The following PTPRT variants were observed in gnomAD, a reference collection of about 807,000 sequenced individuals.
The protein encoded by PTPRT is protein tyrosine phosphatase receptor type T.
In PTPRT, 56 loss-of-function variants were observed where a neutral mutation model predicts 176.8. The observed-to-expected ratio is 0.32, with a 90% CI of 0.26 to 0.40. The LOEUF is 0.40. Ranked by LOEUF, PTPRT falls within the 10% of genes least tolerant of loss-of-function variation. The probability of loss-of-function intolerance (pLI) is 1.00; values close to 1 mark genes in which losing one functional copy is unlikely to be tolerated. For missense variants in PTPRT, 1,540 were observed against 1,908.2 expected, an observed-to-expected ratio of 0.81 and a Z score of 3.60; for synonymous variants, 783 against 739.0, an observed-to-expected ratio of 1.06 and a Z score of -0.96.
rs11473131 is a variant in PTPRT at position 42,350,100 on chromosome 20, A to ACC, written c.1865+526_1865+527dup. On this transcript the variant is annotated intron_variant, in intron 11 of 30. Transcript: ENST00000373187. ...ACTGGCAGTGACACAAAGAAAAGTGACCTTTCCAGGAGACTGTGTTCCAGG... is the reference window on the plus strand; with the variant it reads ...ACTGGCAGTGACACAAAGAAAAGTGACCCCTTTCCAGGAGACTGTGTTCCAGG... Among the ~76,000 whole-genome samples, 1,270 of 151,820 alleles carry ACC rather than the reference A, an allele frequency of 8.4e-3. 9 individuals carry two copies. The highest frequency in any genetic ancestry group is 0.041 in the East Asian group (209 of 5,148).
chr20:42,749,937 G>A (rs1051403076), intron 6 of PTPRT, among the ~76,000 whole-genome samples: 1 of 152,164 alleles, frequency 6.6e-6, no homozygotes, highest in African/African-American at 2.4e-5. Context: ...GGGACGCTGA[G>A]GAGCCCACTG....
At chr20:43,132,811 T>C (rs1414625601) in intron 1 of PTPRT, among the ~76,000 whole-genome samples, 2 of 152,120 alleles carry the variant, frequency 1.3e-5, no homozygotes, top group East Asian at 3.8e-4. Context: ...GAGAATACAA[T>C]AGATGATGTT....
rs1325948278 is a variant in PTPRT at position 43,043,039 on chromosome 20, T to A, written c.88+146607A>T. Among the ~76,000 whole-genome samples the A allele has an allele frequency of 2.0e-5, 3 of 152,162 alleles. No homozygotes were observed. In the East Asian group the frequency reaches 5.8e-4, roughly 29 times the overall value. ...TGGCCCATCTGAATCACAGAAAGGA[T>A]ACAGACAACCTGTAAGCACTGGATG... On this transcript the variant is annotated intron_variant, in intron 1 of 30. Coordinates refer to ENST00000373187, the MANE Select transcript of PTPRT (RefSeq NM_007050.6).
intron 1 of PTPRT, among the ~76,000 whole-genome samples, chr20:43,054,810 C>A (rs1987175119): frequency 6.6e-6 from 1 of 152,050 alleles, no homozygotes; most frequent in Admixed American, 6.6e-5. Context: ...GGGGGAGCAG[C>A]AAAGACAGCA....
intron 16 of PTPRT, among the ~76,000 whole-genome samples, chr20:42,179,800 AC>A (rs1990439593): frequency 1.3e-5 from 2 of 152,162 alleles, no homozygotes; most frequent in South Asian, 4.1e-4. Flanking sequence ...GGGTAGGTGT[AC>A]CGGAATCTGG....
At chr20:42,109,281 G>C (rs2040961526) in intron 23 of PTPRT, among the ~76,000 whole-genome samples, 1 of 152,192 alleles carries the variant, frequency 6.6e-6, no homozygotes, top group Non-Finnish European at 1.5e-5. Context: ...TCCAGGGTCT[G>C]AAAAGATGGG....
chr20:43,139,257 G>A (rs1037495361), intron 1 of PTPRT, among the ~76,000 whole-genome samples: 3 of 152,118 alleles, frequency 2.0e-5, no homozygotes, highest in South Asian at 2.1e-4. Context: ...CTCCCCACTC[G>A]ATTGTTGTTA....
intron 16 of PTPRT, among the ~76,000 whole-genome samples, chr20:42,175,482 C>A (rs576693696): frequency 6.6e-6 from 1 of 152,270 alleles, no homozygotes; most frequent in South Asian, 2.1e-4. Context: ...AATAAACAAA[C>A]CCATCTGTGG....
intron 2 of PTPRT, among the ~76,000 whole-genome samples, chr20:42,804,767 G>A (rs1473265560): frequency 2.0e-5 from 3 of 152,158 alleles, no homozygotes; most frequent in African/African-American, 7.2e-5. Flanking sequence ...CATTCCTTGG[G>A]TTGTAGATGT....
chr20:42,065,161 T>C, the PTPRT span, among the ~76,000 whole-genome samples: 1 of 152,196 alleles, frequency 6.6e-6, no homozygotes, highest in African/African-American at 2.4e-5. Flanking sequence ...AAGACCCTTC[T>C]CAAGAGCTGC....
chr20:42,189,385 A>G (rs1990904851), intron 16 of PTPRT, among the ~76,000 whole-genome samples: 1 of 152,174 alleles, frequency 6.6e-6, no homozygotes, highest in African/African-American at 2.4e-5. Flanking sequence ...CATTTATCAC[A>G]TTTATTGAAA....
rs562319823 is a variant in PTPRT at position 43,017,098 on chromosome 20, G to T, written c.89-131166C>A. ...GCAAAAAAAATCCCTGTTGAACAAA[G>T]AATCAAAAATACAAGGAAAGACAGG... On this transcript the variant is annotated intron_variant, in intron 1 of 30. Coordinates refer to ENST00000373187, the MANE Select transcript of PTPRT (RefSeq NM_007050.6). 2.0e-5 allele frequency among the ~76,000 whole-genome samples: 3 copies of T among 152,126 alleles called. No individual in the cohort carries two copies. In the South Asian group the frequency reaches 6.2e-4, roughly 32 times the overall value.
intron 1 of PTPRT, among the ~76,000 whole-genome samples, chr20:43,147,842 T>C (rs2014216936): frequency 1.3e-5 from 2 of 152,158 alleles, no homozygotes; most frequent in African/African-American, 4.8e-5. Context: ...TGCCTTCGGC[T>C]GAAAAATTCT....
chr20:42,450,343 T>C (rs1568890058), intron 8 of PTPRT, among the ~76,000 whole-genome samples: 1 of 152,256 alleles, frequency 6.6e-6, no homozygotes, highest in Non-Finnish European at 1.5e-5. Context: ...TGTACCATTC[T>C]GGACTCCCCA....
At chr20:42,958,421 G>A (rs1377170142) in intron 1 of PTPRT, among the ~76,000 whole-genome samples, 1 of 131,412 alleles carries the variant, frequency 7.6e-6, no homozygotes, top group Non-Finnish European at 1.6e-5. Flanking sequence ...AAGAAGGGAG[G>A]AAAGGAGGAA....
At chr20:42,396,056 T>C (rs908692472) in intron 9 of PTPRT, among the ~76,000 whole-genome samples, 1 of 152,186 alleles carries the variant, frequency 6.6e-6, no homozygotes, top group South Asian at 2.1e-4. Context: ...CATATCTGTC[T>C]ACTTGATATC....
At chr20:43,178,698 C>G (rs560631896) in intron 1 of PTPRT, among the ~76,000 whole-genome samples, 2 of 152,316 alleles carry the variant, frequency 1.3e-5, no homozygotes, top group South Asian at 2.1e-4. Context: ...CACACAACAA[C>G]AGGCAGCAGC....
At chr20:42,410,057 T>C (rs2058998685) in intron 9 of PTPRT, among the ~76,000 whole-genome samples, 2 of 152,118 alleles carry the variant, frequency 1.3e-5, no homozygotes. Context: ...AAAACAACGG[T>C]AACTATGATG....
chr20:42,096,231 T>C lies in PTPRT; in HGVS notation c.3846+2190A>G, dbSNP rs906304597. Among the ~76,000 whole-genome samples, 9 of 152,334 alleles carry C rather than the reference T, an allele frequency of 5.9e-5. No homozygotes were observed. In the East Asian group the frequency reaches 1.7e-3, roughly 29 times the overall value. ...TTTCCAGGTCTTTCCTCCGGCCTTT[T>C]ACCTGCACTGATCCCCAGACCTGGC... On this transcript the variant is annotated intron_variant, in intron 27 of 30. Transcript: ENST00000373187.
Sources: allele counts gnomAD v4.1 joint callset (sites outside exome capture counted in the v4.1 genomes callset), GRCh38; gene constraint gnomAD v4.1.1; transcripts MANE v1.5; gene names NCBI Gene and HGNC (gene_info 2026-07-23, HGNC 2026-07-21).